The following SP140L variants were observed in gnomAD, a reference collection of about 807,000 sequenced individuals.
The protein encoded by SP140L is SP140 like nuclear body protein.
SP140L carries 64 observed loss-of-function variants against 84.3 expected under a neutral mutation model. The ratio of observed to expected loss-of-function variants is 0.76; its 90% CI spans 0.62 to 0.94. The LOEUF is 0.94. Ranked by LOEUF, SP140L falls within the 40% of genes least tolerant of loss-of-function variation. SP140L has a pLI of 0.00. For missense variants in SP140L, 628 were observed against 692.5 expected, an observed-to-expected ratio of 0.91 and a Z score of 1.05; for synonymous variants, 242 against 236.9, an observed-to-expected ratio of 1.02 and a Z score of -0.20.
chr2:230,361,823 A>G (rs1011142755), intron 5 of SP140L, 126 bp downstream of exon 5: 3 of 699,230 alleles, frequency 4.3e-6, no homozygotes, highest in African/African-American at 3.6e-5. Flanking sequence ...ACCATGGAGA[A>G]GTCAAGGAGG....
intron 4 of SP140L, among the ~76,000 whole-genome samples, chr2:230,359,614 A>T (rs1559425478): frequency 6.6e-6 from 1 of 151,990 alleles, no homozygotes; most frequent in Admixed American, 6.5e-5. Context: ...CCACAGGGAC[A>T]ATCTGAGTTA....
At chr2:230,399,628 A>G (rs183320879) in intron 14 of SP140L, among the ~76,000 whole-genome samples, 2 of 152,282 alleles carry the variant, frequency 1.3e-5, no homozygotes, top group African/African-American at 4.8e-5. Flanking sequence ...CACAAAACCT[A>G]CAGCCTAGGA....
chr2:230,363,651 G>T (rs2060788246), intron 5 of SP140L, among the ~76,000 whole-genome samples: 1 of 151,324 alleles, frequency 6.6e-6, no homozygotes, highest in Non-Finnish European at 1.5e-5. Context: ...TTGTTTCCTT[G>T]CCCATGCAGA....
chr2:230,371,454 G>A (rs2061067523), intron 6 of SP140L, 144 bp from the exon 7 acceptor site: 1 of 779,488 alleles, frequency 1.3e-6, no homozygotes, highest in African/African-American at 1.8e-5. Flanking sequence ...AGTTCAGTGG[G>A]TTTTTGGTTC....
At chr2:230,366,659 C>G (rs1031883205) in intron 5 of SP140L, among the ~76,000 whole-genome samples, 1 of 150,062 alleles carries the variant, frequency 6.7e-6, no homozygotes, top group Non-Finnish European at 1.5e-5. Context: ...AGGCAAGTAC[C>G]TACTACAACT....
At chr2:230,332,525 C>T (rs72495167) in intron 2 of SP140L, among the ~76,000 whole-genome samples, 18,085 of 152,220 alleles carry the variant, frequency 0.12, 1,126 homozygotes, top group Middle Eastern at 0.15. Flanking sequence ...CATCCATTCT[C>T]GTAATACATC....
At chr2:230,351,097 C>T (rs760280003) in intron 2 of SP140L, among the ~76,000 whole-genome samples, 1 of 152,166 alleles carries the variant, frequency 6.6e-6, no homozygotes, top group Non-Finnish European at 1.5e-5. Flanking sequence ...CTATAGGATA[C>T]ATGTTGATCT....
chr2:230,399,901 T>G, intron 14 of SP140L: 1 of 410,468 alleles, frequency 2.4e-6, no homozygotes, highest in Non-Finnish European at 4.5e-6. Flanking sequence ...TCTGGTTTTA[T>G]AAGGAAAACG....
intron 7 of SP140L, among the ~76,000 whole-genome samples, chr2:230,382,855 G>C (rs1175445377): frequency 2.0e-5 from 3 of 152,226 alleles, no homozygotes; most frequent in African/African-American, 7.2e-5. Context: ...AGGGACGTCA[G>C]AAAATCAGTG....
At chr2:230,383,315 C>T (rs2061467402) in intron 7 of SP140L, among the ~76,000 whole-genome samples, 195 bp from the exon 8 acceptor site, 1 of 152,082 alleles carries the variant, frequency 6.6e-6, no homozygotes, top group Admixed American at 6.5e-5. Flanking sequence ...TCTCCCAAGC[C>T]CATGGCCCAA....
In SP140L at chr2:230,392,131, A is replaced by G; in HGVS notation, c.1009A>G (p.Thr337Ala). The stretch of plus-strand genomic sequence containing the variant: ...ACAGACTGAGGATGGAAAATGGTTC[A>G]CCCCCATGGAATTTGAAATCAAAGG... Reference protein sequence around the residue: ...CIQTEDGKWFTPMEFEIKGGY... With the variant: ...CIQTEDGKWFAPMEFEIKGGY... The change falls in exon 12 of 19, where the codon ACC becomes GCC. Residue 337 changes from threonine to alanine, a missense_variant. Around this residue, in one of 4 missense-constraint regions of SP140L, gnomAD observed 525 missense variants for 518.4 expected, o/e 1.01. Transcript: ENST00000415673. The G allele has an allele frequency of 6.2e-7, 1 of 1,613,908 alleles. No individual in the cohort carries two copies. The highest frequency in any genetic ancestry group is 8.5e-7 in the Non-Finnish European group (1 of 1,179,908).
intron 11 of SP140L, 83 bp downstream of exon 11, chr2:230,390,106 C>T (rs931910093): frequency 7.8e-7 from 1 of 1,283,266 alleles, no homozygotes; most frequent in African/African-American, 1.5e-5. Context: ...GTGAATTACA[C>T]ATCATTCAAG....
chr2:230,345,681 G>A (rs1046989449), intron 2 of SP140L, among the ~76,000 whole-genome samples: 1 of 150,342 alleles, frequency 6.7e-6, no homozygotes, highest in Admixed American at 6.6e-5. Context: ...TGTGGTTACT[G>A]TGAGGCTTAC....
In SP140L at chr2:230,402,829, T is replaced by C; in HGVS notation, c.1676T>C (p.Leu559Pro). The change falls in exon 19 of 19, where the codon CTG becomes CCG. Residue 559 changes from leucine (L) to proline (P), a missense_variant. Leu to Pro is a moderately conservative substitution (Grantham distance 98). This residue lies in a region of SP140L where 44 missense variants were observed against 36.1 expected (regional missense o/e 1.22). Transcript: ENST00000415673. Reference protein sequence around the residue: ...YKDFGQMGLRLEAEFEKDFKE... With the variant: ...YKDFGQMGLRPEAEFEKDFKE... Reference sequence around the variant, plus strand: ...GATTTTGGCCAAATGGGACTTAGACTGGAGGCTGAATTTGAGAAGGATTTC... The same window carrying C: ...GATTTTGGCCAAATGGGACTTAGACCGGAGGCTGAATTTGAGAAGGATTTC... 2.5e-6 allele frequency: 4 copies of C among 1,612,758 alleles called. No homozygotes were observed. The highest frequency in any genetic ancestry group is 3.4e-6 in the Non-Finnish European group (4 of 1,179,708).
In SP140L at chr2:230,327,234, A is replaced by G. The variant is rs371738528; in HGVS notation, c.-36A>G. 4 of 1,599,610 alleles carry G rather than the reference A, an allele frequency of 2.5e-6. No individual in the cohort carries two copies. The highest frequency in any genetic ancestry group is 2.3e-5 in the East Asian group (1 of 44,284). On this transcript the variant is annotated 5_prime_UTR_variant, in exon 1 of 19. Transcript: ENST00000415673. ...GGGCCGACTGGGGAGCTCATAGGCC[A>G]GGCTCTGACACCCAGGCAGGGCCTA...
intron 14 of SP140L, among the ~76,000 whole-genome samples, chr2:230,397,014 A>G (rs1414052905): frequency 6.6e-6 from 1 of 151,918 alleles, no homozygotes; most frequent in Non-Finnish European, 1.5e-5. Flanking sequence ...TTCAGTGGAA[A>G]CCCTCCAATA....
intron 1 of SP140L, 95 bp from the exon 2 acceptor site, chr2:230,328,662 A>G: frequency 6.8e-7 from 1 of 1,469,384 alleles, no homozygotes; most frequent in Non-Finnish European, 9.1e-7. Context: ...ATATGCAAGT[A>G]TTTCTCTTGT....
chr2:230,399,533 G>A (rs967044562), intron 14 of SP140L, among the ~76,000 whole-genome samples: 1 of 152,102 alleles, frequency 6.6e-6, no homozygotes, highest in Admixed American at 6.5e-5. Context: ...TCCCAGAGCC[G>A]AAGAGCTCTG....
At chr2:230,392,895 A>G (rs909881020) in intron 12 of SP140L, among the ~76,000 whole-genome samples, 7 of 152,174 alleles carry the variant, frequency 4.6e-5, no homozygotes, top group Admixed American at 3.3e-4. Context: ...TCACTGACCT[A>G]TAGCCATGGG....
Sources: allele counts gnomAD v4.1 joint callset (sites outside exome capture counted in the v4.1 genomes callset), GRCh38; gene constraint gnomAD v4.1.1; regional missense constraint gnomAD v4.1.1; transcripts MANE v1.5; gene names NCBI Gene and HGNC (gene_info 2026-07-23, HGNC 2026-07-21).